Variants in CELF4 observed in about 807,000 individuals in gnomAD.
CELF4 encodes CUGBP Elav-like family member 4, also known as CUG-BP- and ETR-3-like factor 4.
A neutral mutation model predicts 59.9 loss-of-function variants in CELF4; 18 were observed. That is an observed-to-expected ratio of 0.30 (90% CI 0.21 to 0.45). CELF4 has a LOEUF of 0.45. Among genes scored for constraint, CELF4 ranks in the 20% least tolerant of loss-of-function variants. The pLI is 1.00. For synonymous variants in CELF4, 261 were observed against 267.1 expected, an observed-to-expected ratio of 0.98 and a Z score of 0.22; for missense variants, 456 against 689.0, an observed-to-expected ratio of 0.66 and a Z score of 3.79.
chr18:37,309,680 C>T (rs919683213), intron 3 of CELF4, among the ~76,000 whole-genome samples: 6 of 152,132 alleles, frequency 3.9e-5, no homozygotes, highest in African/African-American at 1.4e-4. Context: ...AGATACTATG[C>T]GCGTGTGCAC....
At chr18:37,289,579 T>C (rs2095168750) in intron 3 of CELF4, among the ~76,000 whole-genome samples, 1 of 150,762 alleles carries the variant, frequency 6.6e-6, no homozygotes, top group South Asian at 2.1e-4. Context: ...AGCCAGACTC[T>C]GCTATCAGGG....
At chr18:37,435,366 C>A (rs1433282728) in intron 2 of CELF4, among the ~76,000 whole-genome samples, 1 of 152,092 alleles carries the variant, frequency 6.6e-6, no homozygotes, top group Non-Finnish European at 1.5e-5. Context: ...TGTGTGTGCA[C>A]GTGTGTCTTG....
rs1419010287 is a variant in CELF4 at position 37,470,897 on chromosome 18, A to T, written c.369+14628T>A. On this transcript the variant is annotated intron_variant, in intron 2 of 12. Transcript: ENST00000420428. ...GTGTGTGTGTGTGTGTGACAGAGAG[A>T]GAGAGAGAGAGAGAGAGAGAGAGGT... Among the ~76,000 whole-genome samples the T allele has an allele frequency of 3.0e-3, 443 of 148,124 alleles. 3 individuals carry two copies. Among genetic ancestry groups the T allele is most frequent in the African/African-American group, 0.011 (424 of 39,248 alleles).
intron 2 of CELF4, among the ~76,000 whole-genome samples, chr18:37,418,964 G>C (rs1038379981): frequency 1.3e-5 from 2 of 152,210 alleles, no homozygotes; most frequent in African/African-American, 4.8e-5. Flanking sequence ...CCTGTGTCTA[G>C]TCTAGCATAG....
chr18:37,470,839 T>A (rs1391934166), intron 2 of CELF4, among the ~76,000 whole-genome samples: 3 of 20,178 alleles, frequency 1.5e-4, no homozygotes, highest in African/African-American at 5.1e-4. Context: ...CATGACTCTG[T>A]GTGTGTGTGT....
chr18:37,554,321 C>T (rs1005277550), intron 1 of CELF4, among the ~76,000 whole-genome samples: 2 of 152,146 alleles, frequency 1.3e-5, no homozygotes, highest in Admixed American at 6.5e-5. Context: ...TGGGTGGGAC[C>T]CTGACTGTGC....
intron 1 of CELF4, chr18:37,529,332 A>G (rs759463429): frequency 4.6e-5 from 7 of 152,230 alleles, no homozygotes; most frequent in Non-Finnish European, 8.8e-5. Flanking sequence ...CAGCACACAA[A>G]GGCACACTAT....
intron 2 of CELF4, among the ~76,000 whole-genome samples, chr18:37,411,997 C>T (rs1188699152): frequency 6.6e-6 from 1 of 152,244 alleles, no homozygotes; most frequent in African/African-American, 2.4e-5. Flanking sequence ...CAGATCCTGA[C>T]CACTCAGCAC....
At chr18:37,300,588 C>T (rs2095957565) in intron 3 of CELF4, among the ~76,000 whole-genome samples, 1 of 152,218 alleles carries the variant, frequency 6.6e-6, no homozygotes, top group Non-Finnish European at 1.5e-5. Context: ...CATTCATTTC[C>T]TGAGCTCCTG....
At chr18:37,275,742 C>G (rs2093089632) in intron 3 of CELF4, 2 of 157,746 alleles carry the variant, frequency 1.3e-5, no homozygotes, top group Admixed American at 1.2e-4. Context: ...CAGTCCTCTT[C>G]TTCTAGGTCT....
intron 2 of CELF4, among the ~76,000 whole-genome samples, chr18:37,353,723 CAA>C (rs1274132255): frequency 2.4e-5 from 3 of 123,416 alleles, no homozygotes; most frequent in Non-Finnish European, 4.8e-5. Context: ...GTAGAAATGC[CAA>C]AGAGACCAGT....
At chr18:37,427,519 C>T (rs1217826894) in intron 2 of CELF4, among the ~76,000 whole-genome samples, 1 of 152,130 alleles carries the variant, frequency 6.6e-6, no homozygotes, top group African/African-American at 2.4e-5. Context: ...AGTGTCCTTT[C>T]CGTGGCCTCT....
At chr18:37,313,082 C>T (rs2096734908) in intron 3 of CELF4, among the ~76,000 whole-genome samples, 2 of 152,160 alleles carry the variant, frequency 1.3e-5, no homozygotes, top group African/African-American at 2.4e-5. Context: ...GACTCCTTCT[C>T]CTTCAGTCAC....
intron 2 of CELF4, among the ~76,000 whole-genome samples, chr18:37,461,435 G>T (rs1338132832): frequency 6.6e-6 from 1 of 152,162 alleles, no homozygotes; most frequent in Non-Finnish European, 1.5e-5. Context: ...AGAGGGAAAA[G>T]CCCCTTATAA....
intron 2 of CELF4, among the ~76,000 whole-genome samples, chr18:37,468,954 G>A (rs1232530311): frequency 1.3e-5 from 2 of 152,148 alleles, no homozygotes; most frequent in African/African-American, 4.8e-5. Context: ...AGATTTGGGT[G>A]GGGACACAGA....
chr18:37,298,215 A>G (rs1373031805), intron 3 of CELF4, among the ~76,000 whole-genome samples: 1 of 152,186 alleles, frequency 6.6e-6, no homozygotes, highest in African/African-American at 2.4e-5. Flanking sequence ...AAATGGCCCA[A>G]GGATCTGCAG....
chr18:37,369,247 TG>T (rs1032454799), intron 2 of CELF4, among the ~76,000 whole-genome samples: 1 of 151,522 alleles, frequency 6.6e-6, no homozygotes, highest in African/African-American at 2.4e-5. Context: ...CAGTGTATGG[TG>T]GGGGGGTGGG....
intron 1 of CELF4, among the ~76,000 whole-genome samples, chr18:37,499,268 G>A (rs1199591785): frequency 6.6e-6 from 1 of 152,226 alleles, no homozygotes; most frequent in East Asian, 1.9e-4. Context: ...GCGGTAATGA[G>A]CTGGCAGGGG....
chr18:37,433,882 G>T (rs1890488424), intron 2 of CELF4, among the ~76,000 whole-genome samples: 1 of 152,254 alleles, frequency 6.6e-6, no homozygotes, highest in Non-Finnish European at 1.5e-5. Context: ...TTTGAGACTG[G>T]CTAGCTCCCT....
Sources: allele counts gnomAD v4.1 joint callset (sites outside exome capture counted in the v4.1 genomes callset), GRCh38; gene constraint gnomAD v4.1.1; transcripts MANE v1.5; gene names NCBI Gene and HGNC (gene_info 2026-07-23, HGNC 2026-07-21).